Variants in DCP1A observed in about 807,000 individuals in gnomAD.
DCP1A encodes the protein decapping mRNA 1A.
A neutral mutation model predicts 58.0 loss-of-function variants in DCP1A; 20 were observed. That is an observed-to-expected ratio of 0.34 (90% confidence interval 0.24 to 0.50). The LOEUF is 0.50. Ranked by LOEUF, DCP1A falls within the 20% of genes least tolerant of loss-of-function variation. The probability of loss-of-function intolerance (pLI) is 0.98; values close to 1 mark genes in which losing one functional copy is unlikely to be tolerated. For missense variants in DCP1A, 613 were observed against 712.2 expected (o/e 0.86, Z 1.59); for synonymous variants, 285 against 275.1 (o/e 1.04, Z -0.36).
intron 3 of DCP1A, among the ~76,000 whole-genome samples, chr3:53,341,908 C>T (rs2106898455): frequency 6.6e-6 from 1 of 152,232 alleles, no homozygotes; most frequent in African/African-American, 2.4e-5. Flanking sequence ...AACTCCTGAC[C>T]TCAAGTGATC....
At chr3:53,344,480 G>A (rs945623999) in intron 2 of DCP1A, among the ~76,000 whole-genome samples, 4 of 152,140 alleles carry the variant, frequency 2.6e-5, no homozygotes, top group Non-Finnish European at 4.4e-5. Flanking sequence ...AAAGAGGACA[G>A]AACCAGTCAT....
At chr3:53,342,650 G>C (rs1433086340) in intron 2 of DCP1A, among the ~76,000 whole-genome samples, 3 of 152,210 alleles carry the variant, frequency 2.0e-5, no homozygotes, top group African/African-American at 7.2e-5. Context: ...TACTGCCCCA[G>C]AAGCTGCACA....
intron 3 of DCP1A, among the ~76,000 whole-genome samples, chr3:53,334,268 AAAAT>A (rs1160088118): frequency 6.6e-6 from 1 of 152,188 alleles, no homozygotes; most frequent in African/African-American, 2.4e-5. Context: ...CTGTCTCTAA[AAAAT>A]AAATAAATAG....
At chr3:53,295,573 C>A (rs1367082142) in intron 6 of DCP1A, among the ~76,000 whole-genome samples, 3 of 151,998 alleles carry the variant, frequency 2.0e-5, no homozygotes, top group African/African-American at 4.8e-5. Flanking sequence ...TTTTTTGAGA[C>A]AGGGTCTCAT....
Position 53,292,260 on chromosome 3 carries a change from G to A in DCP1A, c.1192C>T (p.Leu398Phe). Reference sequence around the variant, plus strand: ...TGGTCATGCTGTGGGGTCAACCTGAGTTTCTGGAGAAGATCAACGCTTGGG... The same window carrying A: ...TGGTCATGCTGTGGGGTCAACCTGAATTTCTGGAGAAGATCAACGCTTGGG... The part of the protein sequence containing the change: ...SLPSVDLLQK[L>F]RLTPQHDQIQ... Residue 398 changes from leucine (L) to phenylalanine (F), a missense_variant, in exon 7 of 10, where the codon CTC (leucine) becomes TTC (phenylalanine). By Grantham distance (22) the Leu-to-Phe change is conservative. Around this residue, in one of 3 missense-constraint regions of DCP1A, gnomAD observed 498 missense variants for 556.7 expected, o/e 0.89. Coordinates refer to ENST00000610213, the MANE Select transcript of DCP1A (RefSeq NM_018403.7). The A allele has an allele frequency of 6.2e-7, 1 of 1,613,996 alleles. No homozygotes were observed. The highest frequency in any genetic ancestry group is 8.5e-7 in the Non-Finnish European group (1 of 1,179,884).
intron 3 of DCP1A, among the ~76,000 whole-genome samples, chr3:53,340,908 T>G (rs1418705187): frequency 6.6e-6 from 1 of 152,204 alleles, no homozygotes; most frequent in Non-Finnish European, 1.5e-5. Context: ...GTCATAATCC[T>G]AACTCTCCAA....
rs781818197 is a variant in DCP1A at position 53,292,603 on chromosome 3, T to C, written c.849A>G (p.Ser283=). 8.7e-6 allele frequency: 14 copies of C among 1,613,680 alleles called. No individual in the cohort carries two copies. The highest frequency in any genetic ancestry group is 1.2e-5 in the Non-Finnish European group (14 of 1,179,838). The change falls in exon 7 of 10, where the codon TCA becomes TCG. Residue 283 remains serine (S), a synonymous_variant. Transcript: ENST00000610213. ...CCGGGGTGGTGATTTCAGGCTGGAC[T>C]GAATGGTGGGCAGCAGAAGGGACAC... ...TLGVPSAAHH[S]VQPEITTPVL...
At chr3:53,306,931 CTTTTTTTTT>C (rs1159787111) in intron 5 of DCP1A, among the ~76,000 whole-genome samples, 1 of 101,558 alleles carries the variant, frequency 9.8e-6, no homozygotes, top group Non-Finnish European at 1.9e-5. Context: ...CCAGGCTGTT[CTTTTTTTTT>C]TTTTTTTTTT....
chr3:53,335,913 C>A (rs1403665019), intron 3 of DCP1A, among the ~76,000 whole-genome samples: 1 of 151,988 alleles, frequency 6.6e-6, no homozygotes, highest in Non-Finnish European at 1.5e-5. Context: ...CAGCCTCAAC[C>A]TCGCGGGCTC....
At chr3:53,335,086 G>GGT (rs140454902) in intron 3 of DCP1A, among the ~76,000 whole-genome samples, 3,260 of 145,208 alleles carry the variant, frequency 0.022, 48 homozygotes, top group Non-Finnish European at 0.036. Context: ...AATGTGTCTG[G>GGT]GTGTGTGTGT....
At chr3:53,332,054 C>T (rs1205253962) in intron 3 of DCP1A, among the ~76,000 whole-genome samples, 1 of 152,194 alleles carries the variant, frequency 6.6e-6, no homozygotes, top group Non-Finnish European at 1.5e-5. Flanking sequence ...GTATGCTGCT[C>T]ACCACCTTGC....
intron 3 of DCP1A, among the ~76,000 whole-genome samples, chr3:53,340,532 A>C (rs1314359231): frequency 2.0e-5 from 3 of 152,184 alleles, no homozygotes; most frequent in Admixed American, 2.0e-4. Context: ...AATTTTTAGT[A>C]ACTTTTTCTA....
chr3:53,327,421 G>T (rs1553690711), intron 3 of DCP1A, among the ~76,000 whole-genome samples: 1 of 152,184 alleles, frequency 6.6e-6, no homozygotes, highest in South Asian at 2.1e-4. Flanking sequence ...CAGAAATCCA[G>T]GTTAAGGATG....
chr3:53,288,439 A>C, intron 8 of DCP1A, 156 bp from the exon 9 acceptor site: 1 of 609,674 alleles, frequency 1.6e-6, no homozygotes, highest in Non-Finnish European at 2.9e-6. Flanking sequence ...GAACATGTGA[A>C]CATCTGACAT....
intron 6 of DCP1A, among the ~76,000 whole-genome samples, chr3:53,294,927 C>T (rs1249903579): frequency 6.6e-6 from 1 of 152,246 alleles, no homozygotes; most frequent in African/African-American, 2.4e-5. Flanking sequence ...CTTGCCTACC[C>T]AAGTAATGGC....
intron 3 of DCP1A, chr3:53,329,523 T>G (rs1405691097): frequency 7.6e-6 from 3 of 394,288 alleles, no homozygotes; most frequent in Non-Finnish European, 1.3e-5. Flanking sequence ...CTTTTTCGGT[T>G]AAGCAAGCTA....
At chr3:53,300,643 C>CT (rs1360085855) in intron 6 of DCP1A, among the ~76,000 whole-genome samples, 3 of 151,468 alleles carry the variant, frequency 2.0e-5, no homozygotes, top group Middle Eastern at 3.4e-3. Flanking sequence ...CTGGCTGATT[C>CT]TTTTTTTTGT....
rs1209194468 is a variant in DCP1A at position 53,287,648 on chromosome 3, A to G, written c.1681T>C (p.Phe561Leu). 19 of 1,610,760 alleles carry G rather than the reference A, an allele frequency of 1.2e-5. No homozygotes were observed. The highest frequency in any genetic ancestry group is 1.6e-5 in the Non-Finnish European group (19 of 1,177,138). Residue 561 changes from phenylalanine to leucine, a missense_variant, in exon 10 of 10, where the codon TTC becomes CTC. By Grantham distance (22) the Phe-to-Leu change is conservative. Around this residue, in one of 3 missense-constraint regions of DCP1A, gnomAD observed 498 missense variants for 556.7 expected, o/e 0.89. Coordinates refer to ENST00000610213, the MANE Select transcript of DCP1A (RefSeq NM_018403.7). Reference sequence around the variant, plus strand: ...TAGACTTCATGAAGTGTACTGAGGAAGCTGGAATCATTCTAGAAGAGATGG... The same window carrying G: ...TAGACTTCATGAAGTGTACTGAGGAGGCTGGAATCATTCTAGAAGAGATGG... ...LIHLIKNDSS[F>L]LSTLHEVYLQ...
At chr3:53,308,987 C>G (rs1296858542) in intron 5 of DCP1A, among the ~76,000 whole-genome samples, 1 of 152,100 alleles carries the variant, frequency 6.6e-6, no homozygotes, top group Admixed American at 6.6e-5. Context: ...ATCCGCACCC[C>G]CCTGACCAAA....
Sources: allele counts gnomAD v4.1 joint callset (sites outside exome capture counted in the v4.1 genomes callset), GRCh38; gene constraint gnomAD v4.1.1; regional missense constraint gnomAD v4.1.1; transcripts MANE v1.5; gene names NCBI Gene and HGNC (gene_info 2026-07-23, HGNC 2026-07-21).